The following PCDH9 variants were observed in gnomAD, a reference collection of about 807,000 sequenced individuals.
The protein encoded by PCDH9 is protocadherin-9.
In PCDH9, 24 loss-of-function variants were observed where a neutral mutation model predicts 70.6. That is an observed-to-expected ratio of 0.34 (90% confidence interval 0.25 to 0.48). The LOEUF (loss-of-function observed/expected upper bound fraction) is 0.48. Among genes scored for constraint, PCDH9 ranks in the 20% least tolerant of loss-of-function variants. PCDH9 has a pLI of 0.99. For missense variants in PCDH9, 1,281 were observed against 1,503.6 expected, an observed-to-expected ratio of 0.85 and a Z score of 2.45; for synonymous variants, 562 against 558.5, an observed-to-expected ratio of 1.01 and a Z score of -0.09.
chr13:66,969,092 T>C (rs556378017), intron 2 of PCDH9, among the ~76,000 whole-genome samples: 65 of 152,218 alleles, frequency 4.3e-4, no homozygotes, highest in Admixed American at 4.3e-3. Flanking sequence ...AATTTATTTC[T>C]TAGCATTTCA....
chr13:66,553,375 T>C (rs1358980860), intron 4 of PCDH9, among the ~76,000 whole-genome samples: 6 of 152,142 alleles, frequency 3.9e-5, no homozygotes, highest in Admixed American at 6.6e-5. Context: ...TATTAAACTG[T>C]TGGATAAGTT....
intron 4 of PCDH9, among the ~76,000 whole-genome samples, chr13:66,381,923 C>A (rs1394247526): frequency 6.6e-6 from 1 of 151,700 alleles, no homozygotes; most frequent in Non-Finnish European, 1.5e-5. Flanking sequence ...TAGCACTTTG[C>A]CATCTATACC....
At chr13:67,169,063 G>A (rs1236339488) in intron 2 of PCDH9, among the ~76,000 whole-genome samples, 2 of 152,084 alleles carry the variant, frequency 1.3e-5, no homozygotes, top group African/African-American at 2.4e-5. Context: ...AAATAAAATT[G>A]GAAAGTTTGG....
intron 3 of PCDH9, among the ~76,000 whole-genome samples, chr13:66,682,352 TTATCTATCTATC>T (rs67403062): frequency 0.085 from 12,805 of 150,192 alleles, 657 homozygotes; most frequent in African/African-American, 0.13. Context: ...GCTGTATTTA[TTATCTATCTATC>T]TATCTATCTA....
intron 3 of PCDH9, among the ~76,000 whole-genome samples, chr13:66,780,407 C>G (rs1465844969): frequency 6.6e-6 from 1 of 152,164 alleles, no homozygotes; most frequent in Non-Finnish European, 1.5e-5. Flanking sequence ...TTAAAGAACA[C>G]AAGCAACCCA....
intron 4 of PCDH9, among the ~76,000 whole-genome samples, chr13:66,472,204 T>G (rs1288644373): frequency 2.3e-5 from 2 of 86,704 alleles, no homozygotes; most frequent in Non-Finnish European, 4.4e-5. Flanking sequence ...AGAGCAAGAC[T>G]CCATCTCAAA....
rs1343752341 is a variant in PCDH9, at chr13:67,230,025, C to T, written c.-381G>A. Reference sequence around the variant, plus strand: ...CTCTCTTACCCACTGGGTCTGGGTTCTTCTGGGCATTTAGCACACACAACA... The same window carrying T: ...CTCTCTTACCCACTGGGTCTGGGTTTTTCTGGGCATTTAGCACACACAACA... On this transcript the variant is annotated 5_prime_UTR_variant, in exon 1 of 5. Coordinates refer to ENST00000377865, the MANE Select transcript of PCDH9 (RefSeq NM_203487.3). 2 of 152,260 alleles carry T rather than the reference C, an allele frequency of 1.3e-5. No homozygotes were observed. Among genetic ancestry groups the T allele is most frequent in the East Asian group, 3.9e-4 (2 of 5,176 alleles). 9.4% of individuals were successfully genotyped at this position (152,260 alleles called of 1,614,324 possible).
In PCDH9 at chr13:66,315,612, G is replaced by A. The variant is rs7999543; in HGVS notation, c.3341-10584C>T. On this transcript the variant is annotated intron_variant, in intron 4 of 4. Coordinates refer to ENST00000377865, the MANE Select transcript of PCDH9 (RefSeq NM_203487.3). ...TTCTCCTGCCTCCGCCTCCTGAGTA[G>A]CTGGGATTAGAGGCGTGTGCCACCA... 6.4e-3 allele frequency among the ~76,000 whole-genome samples: 972 copies of A among 152,266 alleles called. 11 individuals carry two copies. Among genetic ancestry groups the A allele is most frequent in the African/African-American group, 0.022 (919 of 41,552 alleles).
chr13:66,360,301 A>G (rs577301813), intron 4 of PCDH9, among the ~76,000 whole-genome samples: 8 of 152,238 alleles, frequency 5.3e-5, no homozygotes, highest in Non-Finnish European at 1.0e-4. Context: ...TGTAAGTTTA[A>G]TAACAAACTG....
intron 2 of PCDH9, among the ~76,000 whole-genome samples, chr13:67,102,567 C>G (rs2086457212): frequency 6.6e-6 from 1 of 152,072 alleles, no homozygotes; most frequent in Non-Finnish European, 1.5e-5. Context: ...CAGTTACCGT[C>G]TTTATTTATT....
rs9599165 is a variant in PCDH9, at chr13:66,957,411, G to A, written c.3037-53806C>T. 7.6e-3 allele frequency among the ~76,000 whole-genome samples: 1,156 copies of A among 152,188 alleles called. 6 individuals carry two copies. The highest frequency in any genetic ancestry group is 0.011 in the Non-Finnish European group (724 of 68,010). ...GTTGGGAATCTGTGACCTCATTGAC[G>A]TTTTTGACAGAGAAAGTAAATGAAG... On this transcript the variant is annotated intron_variant, in intron 2 of 4. Transcript: ENST00000377865.
At chr13:66,421,651 T>C (rs1957569036) in intron 4 of PCDH9, among the ~76,000 whole-genome samples, 2 of 152,132 alleles carry the variant, frequency 1.3e-5, no homozygotes, top group African/African-American at 2.4e-5. Context: ...TTACAAGAGC[T>C]CCTGAAGAAA....
intron 3 of PCDH9, among the ~76,000 whole-genome samples, chr13:66,768,080 C>CA (rs113285930): frequency 0.019 from 2,892 of 150,936 alleles, 89 homozygotes; most frequent in African/African-American, 0.066. Flanking sequence ...TGCTCTCAGC[C>CA]AAAAAAAAGA....
intron 3 of PCDH9, among the ~76,000 whole-genome samples, chr13:66,770,094 T>A (rs1379603587): frequency 6.6e-6 from 1 of 152,154 alleles, no homozygotes; most frequent in South Asian, 2.1e-4. Context: ...TGCATGCATA[T>A]TTTAATAGTG....
At chr13:67,092,257 C>T (rs2086232798) in intron 2 of PCDH9, among the ~76,000 whole-genome samples, 1 of 152,080 alleles carries the variant, frequency 6.6e-6, no homozygotes, top group South Asian at 2.1e-4. Flanking sequence ...ATGATACTTA[C>T]AATACATGCA....
At chr13:66,400,867 G>C (rs1957172630) in intron 4 of PCDH9, among the ~76,000 whole-genome samples, 1 of 152,206 alleles carries the variant, frequency 6.6e-6, no homozygotes, top group South Asian at 2.1e-4. Flanking sequence ...TCTTCAGTCA[G>C]TGATTTCCAT....
intron 3 of PCDH9, among the ~76,000 whole-genome samples, chr13:66,792,712 T>A (rs1415312900): frequency 6.6e-6 from 1 of 152,056 alleles, no homozygotes; most frequent in African/African-American, 2.4e-5. Flanking sequence ...ACCCACCAAA[T>A]CTGTGGTAAT....
chr13:66,965,809 A>G (rs2083425279), intron 2 of PCDH9, among the ~76,000 whole-genome samples: 1 of 152,004 alleles, frequency 6.6e-6, no homozygotes, highest in African/African-American at 2.4e-5. Flanking sequence ...AATGTCAGCT[A>G]TAGTAATTGC....
At chr13:66,685,449 G>T (rs1302753281) in intron 3 of PCDH9, among the ~76,000 whole-genome samples, 1 of 152,228 alleles carries the variant, frequency 6.6e-6, no homozygotes, top group Non-Finnish European at 1.5e-5. Flanking sequence ...TGTCCAGGCA[G>T]AAGTTTGCTG....
Sources: allele counts gnomAD v4.1 joint callset (sites outside exome capture counted in the v4.1 genomes callset), GRCh38; gene constraint gnomAD v4.1.1; transcripts MANE v1.5; gene names NCBI Gene and HGNC (gene_info 2026-07-23, HGNC 2026-07-21).